RBFOX3: variants seen among roughly 807,000 people sequenced by gnomAD.
RBFOX3 encodes RNA binding fox-1 homolog 3, also known as RNA binding protein fox-1 homolog 3.
Under a neutral mutation model 48.7 loss-of-function variants are expected in RBFOX3, and 17 were observed. That is an observed-to-expected ratio of 0.35 (90% CI 0.24 to 0.52). RBFOX3 has a LOEUF of 0.52. Ranked by LOEUF, RBFOX3 falls within the 20% of genes least tolerant of loss-of-function variation. The pLI is 0.94. For synonymous variants in RBFOX3, 212 were observed against 209.5 expected (o/e 1.01, Z -0.10); for missense variants, 382 against 497.5 (o/e 0.77, Z 2.21).
chr17:79,657,368 C>G, the RBFOX3 span, among the ~76,000 whole-genome samples: 1 of 152,208 alleles, frequency 6.6e-6, no homozygotes, highest in African/African-American at 2.4e-5. Flanking sequence ...AGGCTGGATT[C>G]TAGAAGTGAG....
intron 2 of RBFOX3, among the ~76,000 whole-genome samples, chr17:79,319,283 C>T (rs1171145704): frequency 6.6e-6 from 1 of 152,088 alleles, no homozygotes; most frequent in Non-Finnish European, 1.5e-5. Flanking sequence ...AGTAGGGGAC[C>T]CAGGGGCTCA....
intron 2 of RBFOX3, among the ~76,000 whole-genome samples, chr17:79,360,488 G>A (rs1293626729): frequency 6.6e-6 from 1 of 152,216 alleles, no homozygotes; most frequent in Non-Finnish European, 1.5e-5. Context: ...GCGCTCAGCA[G>A]GGACGTGAAC....
At chr17:79,385,995 C>A (rs887729165) in intron 2 of RBFOX3, among the ~76,000 whole-genome samples, 5 of 148,050 alleles carry the variant, frequency 3.4e-5, no homozygotes, top group Non-Finnish European at 7.4e-5. Context: ...CTCTCCATTA[C>A]AGAAGGAGCT....
intron 4 of RBFOX3, among the ~76,000 whole-genome samples, chr17:79,215,887 C>T (rs571861325): frequency 3.9e-4 from 59 of 152,374 alleles, no homozygotes; most frequent in African/African-American, 1.3e-3. Flanking sequence ...GCCACTCTGG[C>T]GGCTGTGGAT....
At chr17:79,661,858 TC>T in the RBFOX3 span, among the ~76,000 whole-genome samples, 1 of 152,228 alleles carries the variant, frequency 6.6e-6, no homozygotes, top group South Asian at 2.1e-4. Context: ...AAGTGCTTGT[TC>T]AAGTCTTTTT....
At chr17:79,235,085 G>T (rs1401920151) in intron 4 of RBFOX3, 1 of 152,066 alleles carries the variant, frequency 6.6e-6, no homozygotes, top group Non-Finnish European at 1.5e-5. Context: ...GGTTTATCAG[G>T]ACACAACCCC....
the RBFOX3 span, among the ~76,000 whole-genome samples, chr17:79,653,423 T>A: frequency 1.3e-5 from 2 of 152,198 alleles, no homozygotes; most frequent in African/African-American, 4.8e-5. Context: ...AACTCCAGGA[T>A]AAACAGAAAG....
chr17:79,595,602 G>A (rs1200490206), intron 1 of RBFOX3, among the ~76,000 whole-genome samples: 1 of 152,200 alleles, frequency 6.6e-6, no homozygotes. Flanking sequence ...CTGCTGCAGG[G>A]AGTGTGTTAG....
the RBFOX3 span, among the ~76,000 whole-genome samples, chr17:79,638,747 T>C: frequency 6.6e-6 from 1 of 152,158 alleles, no homozygotes; most frequent in Non-Finnish European, 1.5e-5. Flanking sequence ...AGCTGGTTGT[T>C]ATAAAGAGCC....
intron 4 of RBFOX3, among the ~76,000 whole-genome samples, chr17:79,123,244 C>G (rs1045278455): frequency 1.3e-5 from 2 of 152,148 alleles, no homozygotes; most frequent in Admixed American, 6.5e-5. Context: ...AGGATAAATG[C>G]TTGAGGAGGT....
intron 3 of RBFOX3, among the ~76,000 whole-genome samples, chr17:79,247,545 C>T (rs1319454382): frequency 6.6e-6 from 1 of 152,142 alleles, no homozygotes; most frequent in East Asian, 1.9e-4. Context: ...CTTTTGACCT[C>T]AAGTGATCCG....
chr17:79,474,145 C>T (rs2077393952), intron 2 of RBFOX3, among the ~76,000 whole-genome samples: 4 of 152,088 alleles, frequency 2.6e-5, no homozygotes, highest in Admixed American at 6.5e-5. Context: ...GAAGAAATTC[C>T]GGAATCACAT....
chr17:79,383,177 G>A (rs1283856873), intron 2 of RBFOX3, among the ~76,000 whole-genome samples: 1 of 152,192 alleles, frequency 6.6e-6, no homozygotes, highest in Admixed American at 6.5e-5. Flanking sequence ...GAAAAGGGGT[G>A]TATCCATAGA....
rs1442195572 is a variant in RBFOX3, at chr17:79,103,611, C to G, written c.415-357G>C. On this transcript the variant is annotated intron_variant, in intron 7 of 14. Transcript: ENST00000693108. This position sits in a 1 kb window ranked among gnomAD's most constrained non-coding sequence, Gnocchi z 6.1. ...CTGAACCCCACCTTGGGGTAGGGGGCCCAGGCTGGGCTTCAGGACCTGCAG... is the reference window on the plus strand; with the variant it reads ...CTGAACCCCACCTTGGGGTAGGGGGGCCAGGCTGGGCTTCAGGACCTGCAG... Among the ~76,000 whole-genome samples, 1 of 152,146 alleles carries G rather than the reference C, an allele frequency of 6.6e-6. No individual in the cohort carries two copies. The highest frequency in any genetic ancestry group is 1.5e-5 in the Non-Finnish European group (1 of 68,016).
At chr17:79,113,013 A>G (rs2032582082) in intron 5 of RBFOX3, among the ~76,000 whole-genome samples, 2 of 150,946 alleles carry the variant, frequency 1.3e-5, no homozygotes, top group South Asian at 4.2e-4. Flanking sequence ...TCAGGAAGAC[A>G]CTCTGACCTA....
Position 79,318,854 on chromosome 17 carries a change from C to CAAAAAAAAAAAAAAAAAAAAAAAAA in RBFOX3, c.-174-11055_-174-11031dup, listed in dbSNP as rs71161660. On this transcript the variant is annotated intron_variant, in intron 2 of 14. Transcript: ENST00000693108. ...TGGGTGACAGAGCGAGACTCCATCT[C>CAAAAAAAAAAAAAAAAAAAAAAAAA]AAAAAAAAAAAAAAAAAAAAAAAAA... Among the ~76,000 whole-genome samples the CAAAAAAAAAAAAAAAAAAAAAAAAA allele has an allele frequency of 7.7e-4, 25 of 32,528 alleles. 3 individuals are homozygous for CAAAAAAAAAAAAAAAAAAAAAAAAA. The highest frequency in any genetic ancestry group is 9.6e-4 in the Non-Finnish European group (19 of 19,782). The allele number at this position is 32,528 out of a possible 152,430, so 21.3% of individuals were successfully genotyped here.
chr17:79,582,886 GCTCGTTCCTGAGGGC>G (rs2093124138), intron 1 of RBFOX3, among the ~76,000 whole-genome samples: 1 of 150,788 alleles, frequency 6.6e-6, no homozygotes, highest in Non-Finnish European at 1.5e-5. Flanking sequence ...GTGTTTAGAT[GCTCGTTCCTGAGGGC>G]CTCGTTCAGG....
chr17:79,115,626 C>A lies in RBFOX3; in HGVS notation c.90G>T (p.Thr30=), dbSNP rs955676022. The A allele has an allele frequency of 1.8e-5, 20 of 1,118,166 alleles. No individual in the cohort carries two copies. Among genetic ancestry groups the A allele is most frequent in the Non-Finnish European group, 2.2e-5 (20 of 905,238 alleles). The allele number at this position is 1,118,166 out of a possible 1,614,324, so 69.3% of individuals were successfully genotyped here. The part of the protein sequence containing the change: ...AEYAPPPPHP[T]QDYSGQTPVP... ...CCGGGGTCTGGCCGGAGTAGTCCTGCGTGGGGTGCGGTGGGGGCGGGGCGT... is the reference window on the plus strand; with the variant it reads ...CCGGGGTCTGGCCGGAGTAGTCCTGAGTGGGGTGCGGTGGGGGCGGGGCGT... The change falls in exon 5 of 15, where the codon ACG becomes ACT. Residue 30 remains threonine (T), a synonymous_variant. Transcript: ENST00000693108.
At chr17:79,238,771 T>C (rs531775892) in intron 3 of RBFOX3, among the ~76,000 whole-genome samples, 26 of 152,322 alleles carry the variant, frequency 1.7e-4, no homozygotes, top group Middle Eastern at 3.4e-3. Context: ...ATGTCCTACC[T>C]GCACTGTGTG....
Sources: allele counts gnomAD v4.1 joint callset (sites outside exome capture counted in the v4.1 genomes callset), GRCh38; gene constraint gnomAD v4.1.1; non-coding constraint Gnocchi (gnomAD v3.1); transcripts MANE v1.5; gene names NCBI Gene and HGNC (gene_info 2026-07-23, HGNC 2026-07-21).